The following PLD1 variants were observed in gnomAD, a reference collection of about 807,000 sequenced individuals.
PLD1 encodes the protein phospholipase D1.
A neutral mutation model predicts 137.1 loss-of-function variants in PLD1; 112 were observed. The observed-to-expected ratio is 0.82, with a 90% CI of 0.70 to 0.96. The LOEUF is 0.96. Among genes scored for constraint, PLD1 ranks in the 40% least tolerant of loss-of-function variants. The pLI, the probability that PLD1 is intolerant of heterozygous loss-of-function variation, is 0.00. For missense variants in PLD1, 1,321 were observed against 1,342.0 expected (o/e 0.98, Z 0.24); for synonymous variants, 431 against 454.7 (o/e 0.95, Z 0.66).
rs1175808641 is a variant in PLD1 at position 171,613,692 on chromosome 3, C to A, written c.2729-1260G>T. ...CAATACCTGGTTCATTCAAGGAGTC[C>A]ATTTTTTTTTTTAAATCCAAGTGAG... On this transcript the variant is annotated intron_variant, in intron 24 of 26. Transcript: ENST00000351298. 2.0e-5 allele frequency among the ~76,000 whole-genome samples: 3 copies of A among 149,890 alleles called. No individual in the cohort carries two copies. In the East Asian group the frequency reaches 5.8e-4, roughly 29 times the overall value.
At chr3:171,784,810 T>C (rs1221678752) in intron 1 of PLD1, among the ~76,000 whole-genome samples, 1 of 152,204 alleles carries the variant, frequency 6.6e-6, no homozygotes, top group African/African-American at 2.4e-5. Context: ...CATAGCTACC[T>C]ATAGATAGCA....
At chr3:171,749,415 C>T (rs1466852590) in intron 1 of PLD1, among the ~76,000 whole-genome samples, 7 of 152,188 alleles carry the variant, frequency 4.6e-5, no homozygotes, top group Admixed American at 6.5e-5. Flanking sequence ...ACTAAATAAC[C>T]ACACCCAGCA....
At chr3:171,743,473 C>G (rs1719924639) in intron 1 of PLD1, among the ~76,000 whole-genome samples, 1 of 152,166 alleles carries the variant, frequency 6.6e-6, no homozygotes, top group South Asian at 2.1e-4. Context: ...CAGTCAGACC[C>G]AGCTAATGCT....
Position 171,793,595 on chromosome 3 carries a change from G to A in PLD1, c.-32+16804C>T, listed in dbSNP as rs1723305883. 1.3e-5 allele frequency: 2 copies of A among 152,058 alleles called. 1 individual carries two copies. The highest frequency in any genetic ancestry group is 4.8e-5 in the African/African-American group (2 of 41,400). 9.4% of individuals were successfully genotyped at this position (152,058 alleles called of 1,614,324 possible). On this transcript the variant is annotated intron_variant, in intron 1 of 26. Coordinates refer to ENST00000351298, the MANE Select transcript of PLD1 (RefSeq NM_002662.5). ...TTTTGCACTTTGTAGCCATTATTAAGTAAAATACAGTTACTTGAACATAAG... is the reference window on the plus strand; with the variant it reads ...TTTTGCACTTTGTAGCCATTATTAAATAAAATACAGTTACTTGAACATAAG...
At chr3:171,783,592 T>A (rs373617883) in intron 1 of PLD1, among the ~76,000 whole-genome samples, 30 of 152,212 alleles carry the variant, frequency 2.0e-4, no homozygotes, top group South Asian at 1.0e-3. Context: ...ACTCCTGTTT[T>A]TTTTATTTTA....
intron 6 of PLD1, among the ~76,000 whole-genome samples, chr3:171,726,421 A>G (rs548776103): frequency 6.6e-6 from 1 of 152,322 alleles, no homozygotes; most frequent in South Asian, 2.1e-4. Flanking sequence ...GGCACAGTGT[A>G]CACTCAAACA....
chr3:171,798,229 A>G (rs1292238793), intron 1 of PLD1, among the ~76,000 whole-genome samples: 3 of 152,244 alleles, frequency 2.0e-5, no homozygotes, highest in Non-Finnish European at 4.4e-5. Flanking sequence ...AATCACTTAC[A>G]CATTCTCTAC....
At chr3:171,677,770 T>C (rs1197085945) in intron 16 of PLD1, 76 bp from the exon 17 acceptor site, 2 of 1,406,254 alleles carry the variant, frequency 1.4e-6, no homozygotes, top group African/African-American at 1.4e-5. Context: ...CTCTCATTTA[T>C]TAAACACCTA....
At chr3:171,670,924 G>A (rs772747011) in intron 19 of PLD1, among the ~76,000 whole-genome samples, 2 of 152,262 alleles carry the variant, frequency 1.3e-5, no homozygotes, top group African/African-American at 2.4e-5. Context: ...ATAGCAGGAG[G>A]ATTAAATAGA....
Position 171,724,798 on chromosome 3 carries a change from A to T in PLD1, c.666-10T>A. 1 of 1,552,140 alleles carries T rather than the reference A, an allele frequency of 6.4e-7. No individual in the cohort carries two copies. Among genetic ancestry groups the T allele is most frequent in the Non-Finnish European group, 8.9e-7 (1 of 1,127,514 alleles). ...CATTATCATACCTTCTCTGAAAGAG[A>T]CAGAAAATTAACCCATCACCTTCAA... On this transcript the variant is annotated splice_polypyrimidine_tract_variant and intron_variant, in intron 7 of 26. Coordinates refer to ENST00000351298, the MANE Select transcript of PLD1 (RefSeq NM_002662.5).
At chr3:171,632,843 G>T (rs1009813076) in intron 23 of PLD1, among the ~76,000 whole-genome samples, 1 of 152,190 alleles carries the variant, frequency 6.6e-6, no homozygotes, top group South Asian at 2.1e-4. Context: ...ACATCTATGT[G>T]CCATGCCAAA....
chr3:171,640,089 C>T (rs1578167105), intron 23 of PLD1, among the ~76,000 whole-genome samples: 3 of 151,868 alleles, frequency 2.0e-5, no homozygotes, highest in Middle Eastern at 6.8e-3. Context: ...AGTTTGTCAA[C>T]TTTGTTGATC....
chr3:171,692,097 C>T (rs1715218613), intron 13 of PLD1, among the ~76,000 whole-genome samples: 1 of 152,140 alleles, frequency 6.6e-6, no homozygotes, highest in South Asian at 2.1e-4. Flanking sequence ...CTTGTCTAAA[C>T]TCTCACTTTC....
At chr3:171,648,388 C>T (rs1455603064) in intron 21 of PLD1, among the ~76,000 whole-genome samples, 1 of 152,174 alleles carries the variant, frequency 6.6e-6, no homozygotes, top group Non-Finnish European at 1.5e-5. Context: ...AGGGCAACTC[C>T]TGTTAACAGT....
Position 171,677,680 on chromosome 3 carries a change from G to A in PLD1, c.1882C>T (p.Arg628Cys), listed in dbSNP as rs574828502. Residue 628 changes from arginine to cysteine, a missense_variant, in exon 17 of 27, where the codon CGT becomes TGT. Arg to Cys is a radical substitution (Grantham distance 180). Coordinates refer to ENST00000351298, the MANE Select transcript of PLD1 (RefSeq NM_002662.5). ...TCTCCCACACCTGTCTGTAAACTAC[G>A]GATGGACCCGGTATCTGTGAATGCA... is the stretch of plus-strand genomic sequence containing the variant. ...TRPHADTGSI[R>C]SLQTGVGELH... 1.6e-5 allele frequency: 26 copies of A among 1,613,786 alleles called. No individual in the cohort carries two copies. Among genetic ancestry groups the A allele is most frequent in the East Asian group, 1.3e-4 (6 of 44,886 alleles).
chr3:171,788,569 C>T (rs973167894), intron 1 of PLD1: 8 of 152,086 alleles, frequency 5.3e-5, no homozygotes, highest in Admixed American at 4.6e-4. Context: ...GACAATATAA[C>T]AACAAATAAA....
At chr3:171,628,498 CTAACTCATTT>C (rs1374224325) in intron 23 of PLD1, among the ~76,000 whole-genome samples, 1 of 152,050 alleles carries the variant, frequency 6.6e-6, no homozygotes, top group East Asian at 1.9e-4. Flanking sequence ...GGAATCCTCC[CTAACTCATTT>C]TATGAGGCCA....
chr3:171,660,483 C>T (rs942090734), intron 20 of PLD1, among the ~76,000 whole-genome samples: 4 of 152,212 alleles, frequency 2.6e-5, no homozygotes, highest in Non-Finnish European at 2.9e-5. Context: ...ATGCTGACTG[C>T]TTATCTTGAC....
chr3:171,805,781 G>A lies in PLD1; in HGVS notation c.-32+4618C>T, dbSNP rs555223116. Among the ~76,000 whole-genome samples, 6 of 152,334 alleles carry A rather than the reference G, an allele frequency of 3.9e-5. No individual in the cohort carries two copies. The South Asian group carries it at 1.2e-3, about 32-fold the overall frequency. On this transcript the variant is annotated intron_variant, in intron 1 of 26. Coordinates refer to ENST00000351298, the MANE Select transcript of PLD1 (RefSeq NM_002662.5). ...GGTTATGTTTTTTTCTAGACAGACA[G>A]CAGTGTCAAAACTCTGGGTGCAAGC...
Sources: allele counts gnomAD v4.1 joint callset (sites outside exome capture counted in the v4.1 genomes callset), GRCh38; gene constraint gnomAD v4.1.1; transcripts MANE v1.5; gene names NCBI Gene and HGNC (gene_info 2026-07-23, HGNC 2026-07-21).